Variants in BTBD7 observed in about 807,000 individuals in gnomAD.
BTBD7 encodes the protein BTB domain containing 7, also known as BTB/POZ domain-containing protein 7.
A neutral mutation model predicts 99.9 loss-of-function variants in BTBD7; 38 were observed. That is an observed-to-expected ratio of 0.38 (90% confidence interval 0.29 to 0.50). BTBD7 has a LOEUF of 0.50. Ranked by LOEUF, BTBD7 falls within the 20% of genes least tolerant of loss-of-function variation. The pLI, the probability that BTBD7 is intolerant of heterozygous loss-of-function variation, is 0.93. For synonymous variants in BTBD7, 520 were observed against 511.4 expected, an observed-to-expected ratio of 1.02 and a Z score of -0.23; for missense variants, 1,170 against 1,394.6, an observed-to-expected ratio of 0.84 and a Z score of 2.57.
intron 5 of BTBD7, among the ~76,000 whole-genome samples, chr14:93,257,915 A>G (rs1445883409): frequency 6.7e-6 from 1 of 148,390 alleles, no homozygotes; most frequent in East Asian, 1.9e-4. Flanking sequence ...ATTACTGCAT[A>G]AAAGTAGACC....
rs753650298 is a variant in BTBD7 at position 93,294,321 on chromosome 14, A to T, written c.699T>A (p.Leu233=). The T allele has an allele frequency of 1.2e-6, 2 of 1,614,088 alleles. No individual in the cohort carries two copies. Among genetic ancestry groups the T allele is most frequent in the Non-Finnish European group, 1.7e-6 (2 of 1,180,048 alleles). The change falls in exon 3 of 11, where the codon CTT becomes CTA. Residue 233 remains leucine, a synonymous_variant. Coordinates refer to ENST00000334746, the MANE Select transcript of BTBD7 (RefSeq NM_001002860.4). ...LSEEFGTPNS[L]DVDMRGLFDY... is the part of the protein sequence containing the mutation. ...CAAAGAGTCCACGCATATCTACATCAAGGGAATTTGGTGTTCCAAATTCTT... is the reference window on the plus strand; with the variant it reads ...CAAAGAGTCCACGCATATCTACATCTAGGGAATTTGGTGTTCCAAATTCTT...
intron 3 of BTBD7, among the ~76,000 whole-genome samples, chr14:93,290,319 T>A (rs887838676): frequency 4.0e-5 from 6 of 151,378 alleles, no homozygotes; most frequent in Non-Finnish European, 8.8e-5. Context: ...TTCACGCCAT[T>A]CTCCTGCCTC....
At chr14:93,302,706 G>A (rs192604122) in intron 1 of BTBD7, among the ~76,000 whole-genome samples, 7 of 152,230 alleles carry the variant, frequency 4.6e-5, no homozygotes, top group South Asian at 4.2e-4. Context: ...TTAGCCCGGC[G>A]TGGTGGCATG....
At position 93,242,621 on chromosome 14, in the gene BTBD7, T is replaced by C; in HGVS notation, c.3051A>G (p.Leu1017=). The C allele has an allele frequency of 6.2e-7, 1 of 1,614,218 alleles. No homozygotes were observed. Among genetic ancestry groups the C allele is most frequent in the African/African-American group, 1.3e-5 (1 of 75,052 alleles). ...GTATCGGCTCATTCTTTTGTCTGTG[T>C]AGATGCCCGTCAGGGGAAAGTGGAT... The part of the protein sequence containing the change: ...REYPLSPDGH[L]HRQKNEPIHL... Residue 1017 remains leucine, a synonymous_variant, in exon 11 of 11, where the codon CTA becomes CTG. Transcript: ENST00000334746.
chr14:93,321,197 A>G (rs2053265285), intron 1 of BTBD7, among the ~76,000 whole-genome samples: 1 of 152,258 alleles, frequency 6.6e-6, no homozygotes, highest in Non-Finnish European at 1.5e-5. Flanking sequence ...TCTCTCCCTC[A>G]AATAAGAATT....
chr14:93,270,161 T>C (rs1425637598), intron 3 of BTBD7, among the ~76,000 whole-genome samples: 2 of 152,154 alleles, frequency 1.3e-5, no homozygotes, highest in African/African-American at 4.8e-5. Flanking sequence ...AGTGGCGTGA[T>C]CTCAGCTCAC....
intron 1 of BTBD7, among the ~76,000 whole-genome samples, chr14:93,312,510 G>T (rs1258709896): frequency 6.6e-6 from 1 of 152,146 alleles, no homozygotes; most frequent in African/African-American, 2.4e-5. Flanking sequence ...CATATCCTTA[G>T]AATGACTTTG....
Position 93,242,413 on chromosome 14 carries a change from A to C in BTBD7, c.3259T>G (p.Ser1087Ala), listed in dbSNP as rs36099812. The C allele has an allele frequency of 0.031, 50,190 of 1,614,086 alleles. 1,490 individuals carry two copies. The highest frequency in any genetic ancestry group is 0.14 in the African/African-American group (10,239 of 74,976). Reference protein sequence around the residue: ...ACSSEAPEERSGRRLADSESL... With the variant: ...ACSSEAPEERAGRRLADSESL... ...TCACTGTCTGCCAGTCTTCTACCGG[A>C]TCTCTCTTCGGGAGCTTCAGAGCTA... is the stretch of plus-strand genomic sequence containing the variant. Residue 1087 changes from serine (S) to alanine (A), a missense_variant, in exon 11 of 11, where the codon TCC becomes GCC. Coordinates refer to ENST00000334746, the MANE Select transcript of BTBD7 (RefSeq NM_001002860.4).
chr14:93,315,079 TTCC>T (rs1411684810), intron 1 of BTBD7, among the ~76,000 whole-genome samples: 13 of 152,150 alleles, frequency 8.5e-5, no homozygotes, highest in African/African-American at 1.2e-4. Flanking sequence ...ACTTCTGGGT[TTCC>T]TCCTTCTTAC....
chr14:93,318,092 G>C (rs1022180959), intron 1 of BTBD7, among the ~76,000 whole-genome samples: 1 of 152,178 alleles, frequency 6.6e-6, no homozygotes, highest in African/African-American at 2.4e-5. Flanking sequence ...TATATGTTGA[G>C]TTCTGTGCTT....
intron 1 of BTBD7, among the ~76,000 whole-genome samples, chr14:93,310,705 T>C (rs1041040224): frequency 4.6e-5 from 7 of 151,478 alleles, no homozygotes; most frequent in Non-Finnish European, 8.8e-5. Context: ...GATAGTACCA[T>C]TGCACTCTAG....
intron 1 of BTBD7, among the ~76,000 whole-genome samples, chr14:93,298,993 TTCCTGGTAGC>T (rs1050034921): frequency 2.0e-4 from 30 of 152,308 alleles, no homozygotes; most frequent in Non-Finnish European, 4.0e-4. Flanking sequence ...GGAAAATCTC[TTCCTGGTAGC>T]TCCTGGTTAA....
intron 8 of BTBD7, among the ~76,000 whole-genome samples, chr14:93,249,945 C>T (rs11628392): frequency 6.6e-6 from 1 of 152,104 alleles, no homozygotes; most frequent in African/African-American, 2.4e-5. Context: ...TTACTGAGTG[C>T]TTACTTTGTG....
At chr14:93,281,666 T>G in intron 3 of BTBD7, among the ~76,000 whole-genome samples, 1 of 152,224 alleles carries the variant, frequency 6.6e-6, no homozygotes, top group Admixed American at 6.5e-5. Flanking sequence ...TGATGTTATT[T>G]ATAACAGAAT....
intron 3 of BTBD7, chr14:93,288,703 C>G (rs750644533): frequency 6.2e-7 from 1 of 1,611,156 alleles, no homozygotes; most frequent in South Asian, 1.1e-5. Flanking sequence ...TGACTGTAGT[C>G]TCCTCTGTAA....
At chr14:93,258,744 G>A (rs1420959745) in intron 5 of BTBD7, among the ~76,000 whole-genome samples, 3 of 152,038 alleles carry the variant, frequency 2.0e-5, no homozygotes, top group East Asian at 1.9e-4. Context: ...GCCACCACAC[G>A]CAGCTAATTT....
intron 10 of BTBD7, chr14:93,244,022 C>T: frequency 2.9e-6 from 1 of 343,484 alleles, no homozygotes; most frequent in South Asian, 2.6e-5. Context: ...GGTGAACCTT[C>T]CTAAAACCCA....
At chr14:93,257,424 T>C (rs2052442937) in intron 5 of BTBD7, 69 bp from the exon 6 acceptor site, 4 of 1,451,244 alleles carry the variant, frequency 2.8e-6, no homozygotes, top group Admixed American at 4.2e-5. Flanking sequence ...CTTTGTTCTC[T>C]AGTACATACA....
At chr14:93,268,286 A>G (rs771387688) in intron 3 of BTBD7, among the ~76,000 whole-genome samples, 8 of 152,120 alleles carry the variant, frequency 5.3e-5, no homozygotes, top group African/African-American at 7.2e-5. Flanking sequence ...TGTTCCTCCT[A>G]TCTAAAAGTT....
Sources: allele counts gnomAD v4.1 joint callset (sites outside exome capture counted in the v4.1 genomes callset), GRCh38; gene constraint gnomAD v4.1.1; transcripts MANE v1.5; gene names NCBI Gene and HGNC (gene_info 2026-07-23, HGNC 2026-07-21).